Variants in ELL2 observed in about 807,000 individuals in gnomAD.
ELL2 encodes RNA polymerase II elongation factor ELL2.
In ELL2, 21 loss-of-function variants were observed where a neutral mutation model predicts 72.8. That is an observed-to-expected ratio of 0.29 (90% CI 0.20 to 0.42). ELL2 has a LOEUF of 0.42. Among genes scored for constraint, ELL2 ranks in the 10% least tolerant of loss-of-function variants. The pLI, the probability that ELL2 is intolerant of heterozygous loss-of-function variation, is 1.00. For missense variants in ELL2, 568 were observed against 772.8 expected (o/e 0.73, Z 3.14); for synonymous variants, 266 against 283.2 (o/e 0.94, Z 0.61).
At chr5:95,922,155 C>T (rs1283279080) in intron 2 of ELL2, among the ~76,000 whole-genome samples, 1 of 152,146 alleles carries the variant, frequency 6.6e-6, no homozygotes. Flanking sequence ...GCTCCGCCTC[C>T]TGGTTCACAC....
intron 10 of ELL2, among the ~76,000 whole-genome samples, chr5:95,889,656 T>C (rs1346255724): frequency 1.3e-5 from 2 of 152,154 alleles, no homozygotes; most frequent in Non-Finnish European, 1.5e-5. Flanking sequence ...ATGAAACCAG[T>C]ACAAATAATA....
intron 9 of ELL2, among the ~76,000 whole-genome samples, chr5:95,895,022 G>A (rs1045690281): frequency 6.6e-6 from 1 of 152,090 alleles, no homozygotes; most frequent in South Asian, 2.1e-4. Flanking sequence ...CTGCAAAAAA[G>A]CTAGAATTAT....
intron 2 of ELL2, among the ~76,000 whole-genome samples, chr5:95,927,548 TACACACACACGTGTGTATATAGACATAC>T (rs1750386314): frequency 5.1e-5 from 1 of 19,472 alleles, no homozygotes; most frequent in Non-Finnish European, 8.0e-5. Context: ...TATATAGACA[TACACACACACGTGTGTATATAGACATAC>T]ACACACACGT....
chr5:95,912,777 A>G (rs553474574), intron 4 of ELL2, among the ~76,000 whole-genome samples: 6 of 152,360 alleles, frequency 3.9e-5, no homozygotes, highest in African/African-American at 1.4e-4. Context: ...CCAAAGAAGT[A>G]CTTATTAAAG....
chr5:95,923,056 T>C (rs910586774), intron 2 of ELL2, among the ~76,000 whole-genome samples: 1 of 152,024 alleles, frequency 6.6e-6, no homozygotes, highest in Non-Finnish European at 1.5e-5. Context: ...CTGATAAATT[T>C]TGGATTATAA....
At chr5:95,909,918 T>G (rs568436884) in intron 4 of ELL2, among the ~76,000 whole-genome samples, 7 of 139,604 alleles carry the variant, frequency 5.0e-5, no homozygotes, top group African/African-American at 1.9e-4. Context: ...CAGTTGTTTT[T>G]CCATTCTGTG....
intron 1 of ELL2, among the ~76,000 whole-genome samples, chr5:95,948,267 T>TA (rs145067639): frequency 0.16 from 24,381 of 151,168 alleles, 2,269 homozygotes; most frequent in East Asian, 0.33. Flanking sequence ...CCGTCTCTAC[T>TA]AAAAAAACGA....
chr5:95,913,729 C>T (rs1357209746), intron 4 of ELL2, 42 bp downstream of exon 4: 1 of 1,515,052 alleles, frequency 6.6e-7, no homozygotes, highest in Non-Finnish European at 8.8e-7. Context: ...TCTTGAATTA[C>T]TCCAATCAAT....
intron 1 of ELL2, among the ~76,000 whole-genome samples, chr5:95,949,043 T>A (rs1318008116): frequency 1.3e-5 from 2 of 152,232 alleles, no homozygotes; most frequent in African/African-American, 4.8e-5. Context: ...TAAGTTTGGT[T>A]ATACTCTTGA....
chr5:95,918,358 C>T lies in ELL2; in HGVS notation c.317+1066G>A, dbSNP rs150992070. On this transcript the variant is annotated intron_variant, in intron 3 of 11. Transcript: ENST00000237853. ...AGCACAGAAAAGTCTATATAATCTA[C>T]AATATAGCAATTTATGCCAAAACAT... is the stretch of plus-strand genomic sequence containing the variant. Among the ~76,000 whole-genome samples the T allele has an allele frequency of 1.1e-3, 175 of 152,310 alleles. 1 individual carries two copies. The highest frequency in any genetic ancestry group is 4.0e-3 in the African/African-American group (167 of 41,564).
At chr5:95,937,958 T>A (rs1174018139) in intron 2 of ELL2, among the ~76,000 whole-genome samples, 1 of 152,210 alleles carries the variant, frequency 6.6e-6, no homozygotes, top group African/African-American at 2.4e-5. Context: ...TAGCTATCTT[T>A]GCTTCCCCAG....
chr5:95,923,542 C>A (rs138563928), intron 2 of ELL2, among the ~76,000 whole-genome samples: 123 of 152,314 alleles, frequency 8.1e-4, no homozygotes, highest in African/African-American at 2.9e-3. Context: ...AGTTTCTTTG[C>A]AGCTATGGAG....
intron 5 of ELL2, among the ~76,000 whole-genome samples, chr5:95,905,832 C>G (rs1300726912): frequency 6.6e-6 from 1 of 150,914 alleles, no homozygotes; most frequent in Non-Finnish European, 1.5e-5. Context: ...GATGGACCAC[C>G]ATTTATGGTG....
chr5:95,920,073 A>G (rs946416788), intron 2 of ELL2, among the ~76,000 whole-genome samples: 3 of 152,078 alleles, frequency 2.0e-5, no homozygotes, highest in African/African-American at 7.2e-5. Context: ...GAGTAACAGC[A>G]TAAGGTTAAT....
intron 5 of ELL2, among the ~76,000 whole-genome samples, chr5:95,904,591 C>T (rs764688474): frequency 6.6e-6 from 1 of 152,204 alleles, no homozygotes; most frequent in Non-Finnish European, 1.5e-5. Flanking sequence ...CTGAAAACTA[C>T]TGTGTAAGTA....
intron 4 of ELL2, among the ~76,000 whole-genome samples, chr5:95,910,970 G>A (rs1020921012): frequency 6.6e-6 from 1 of 151,882 alleles, no homozygotes; most frequent in African/African-American, 2.4e-5. Flanking sequence ...AAAATACAGA[G>A]AGAATAATAA....
At chr5:95,910,696 C>T (rs1561496276) in intron 4 of ELL2, among the ~76,000 whole-genome samples, 2 of 152,140 alleles carry the variant, frequency 1.3e-5, no homozygotes, top group African/African-American at 4.8e-5. Flanking sequence ...GTCTAGCTGT[C>T]AGCCGTCATC....
intron 1 of ELL2, among the ~76,000 whole-genome samples, chr5:95,956,913 A>G (rs940593816): frequency 6.6e-6 from 1 of 152,256 alleles, no homozygotes; most frequent in Non-Finnish European, 1.5e-5. Context: ...ACTTTCCTAG[A>G]AGACACTAAC....
intron 2 of ELL2, among the ~76,000 whole-genome samples, chr5:95,934,295 A>T (rs1407406518): frequency 6.6e-6 from 1 of 152,150 alleles, no homozygotes; most frequent in Non-Finnish European, 1.5e-5. Context: ...CCCTTTTCCT[A>T]TGGCTGCTTA....
Sources: allele counts gnomAD v4.1 joint callset (sites outside exome capture counted in the v4.1 genomes callset), GRCh38; gene constraint gnomAD v4.1.1; transcripts MANE v1.5; gene names NCBI Gene and HGNC (gene_info 2026-07-23, HGNC 2026-07-21).